The following PRH1 variants were observed in gnomAD, a reference collection of about 807,000 sequenced individuals.
PRH1 encodes proline rich protein HaeIII subfamily 1, also known as salivary acidic proline-rich phosphoprotein 1/2.
In PRH1, 7 loss-of-function variants were observed where a neutral mutation model predicts 7.9. The ratio of observed to expected loss-of-function variants is 0.89; its 90% CI spans 0.50 to 1.67. The LOEUF (loss-of-function observed/expected upper bound fraction) is 1.67. Ranked by LOEUF, PRH1 falls within the 40% of genes most tolerant of loss-of-function variation. The pLI is 0.00. For missense variants in PRH1, 109 were observed against 223.6 expected, an observed-to-expected ratio of 0.49 and a Z score of 3.27; for synonymous variants, 45 against 80.8, an observed-to-expected ratio of 0.56 and a Z score of 2.38.
At chr12:10,884,131 T>A (rs1304635943) in intron 1 of PRH1, 23 bp downstream of exon 1, 28 of 1,613,924 alleles carry the variant, frequency 1.7e-5, no homozygotes, top group Non-Finnish European at 2.4e-5. Context: ...AGAGTCACAA[T>A]ATCTTCCCCC....
intron 1 of PRH1, among the ~76,000 whole-genome samples, chr12:11,071,780 T>G (rs1333666459): frequency 2.0e-5 from 3 of 152,130 alleles, no homozygotes; most frequent in Non-Finnish European, 4.4e-5. Flanking sequence ...CGGTGTATGT[T>G]ATTCCTCTGT....
At chr12:10,926,095 A>G (rs1950118893) in intron 2 of PRH1, among the ~76,000 whole-genome samples, 1 of 152,260 alleles carries the variant, frequency 6.6e-6, no homozygotes, top group African/African-American at 2.4e-5. Context: ...CATCAACATC[A>G]AATTAAAAAA....
chr12:10,988,265 C>A (rs1939750150), intron 1 of PRH1, among the ~76,000 whole-genome samples: 1 of 152,066 alleles, frequency 6.6e-6, no homozygotes, highest in Non-Finnish European at 1.5e-5. Flanking sequence ...CTAACTGGTA[C>A]AGCTACTATG....
At chr12:11,074,242 T>TAG (rs1944203809) in intron 1 of PRH1, among the ~76,000 whole-genome samples, 2 of 59,004 alleles carry the variant, frequency 3.4e-5, no homozygotes, top group Middle Eastern at 0.017. Flanking sequence ...GATACAAAAA[T>TAG]AGAGAACTTA....
chr12:10,983,685 C>T (rs966939255), intron 1 of PRH1, among the ~76,000 whole-genome samples: 10 of 152,196 alleles, frequency 6.6e-5, no homozygotes, highest in African/African-American at 1.7e-4. Flanking sequence ...GGACTAATGC[C>T]GGCTGTGGTT....
chr12:11,165,508 A>G (rs1294415867), intron 1 of PRH1, among the ~76,000 whole-genome samples: 1 of 152,102 alleles, frequency 6.6e-6, no homozygotes, highest in Non-Finnish European at 1.5e-5. Context: ...AAATTTCCTG[A>G]GCATGTTATT....
chr12:11,025,709 T>TG (rs1941877255), intron 1 of PRH1, among the ~76,000 whole-genome samples: 2 of 150,920 alleles, frequency 1.3e-5, no homozygotes, highest in Admixed American at 6.6e-5. Flanking sequence ...CCTCTAGCTC[T>TG]GTGTATTTCC....
chr12:10,969,243 C>T, intron 2 of PRH1, among the ~76,000 whole-genome samples: 1 of 152,176 alleles, frequency 6.6e-6, no homozygotes, highest in Non-Finnish European at 1.5e-5. Flanking sequence ...TCTCCAACGT[C>T]CCACCATAGT....
intron 2 of PRH1, chr12:10,929,092 G>C: frequency 1.5e-6 from 1 of 676,342 alleles, no homozygotes; most frequent in South Asian, 1.9e-5. Context: ...CTAGGCTAGA[G>C]TCCCAGAAGA....
intron 2 of PRH1, among the ~76,000 whole-genome samples, chr12:10,968,823 G>A (rs551987980): frequency 6.6e-6 from 1 of 152,336 alleles, no homozygotes; most frequent in Non-Finnish European, 1.5e-5. Context: ...CATCTGGGGG[G>A]GTGCCCGCAC....
intron 1 of PRH1, among the ~76,000 whole-genome samples, chr12:10,974,216 G>T (rs2135957310): frequency 6.6e-6 from 1 of 152,188 alleles, no homozygotes; most frequent in East Asian, 1.9e-4. Flanking sequence ...GATGAATTTA[G>T]GCTACTGCCA....
At position 11,036,977 on chromosome 12, in the gene PRH1, T is replaced by C. The variant is rs533226261; in HGVS notation, c.-126+10043A>G. ...TCATGGCCTCATGATTCTTCTATGA[T>C]TCTCAGCATTAGGCCTAGACAAGTA... On this transcript the variant is annotated intron_variant, in intron 1 of 3. Coordinates refer to the PRH1 transcript ENST00000539853. Among the ~76,000 whole-genome samples the C allele has an allele frequency of 5.6e-4, 85 of 152,370 alleles. 2 individuals carry two copies. In the South Asian group the frequency reaches 0.017, roughly 31 times the overall value.
At chr12:11,007,230 C>T (rs920484957) in intron 1 of PRH1, among the ~76,000 whole-genome samples, 1 of 152,064 alleles carries the variant, frequency 6.6e-6, no homozygotes, top group African/African-American at 2.4e-5. Context: ...AAGGCCAATA[C>T]GCCTTAAAAT....
intron 1 of PRH1, among the ~76,000 whole-genome samples, chr12:11,152,319 A>G (rs1057302195): frequency 8.6e-6 from 1 of 115,766 alleles, no homozygotes; most frequent in Admixed American, 8.9e-5. Flanking sequence ...TGGAAAAGAT[A>G]ATTTGTGAGA....
intron 1 of PRH1, among the ~76,000 whole-genome samples, chr12:11,143,688 C>G (rs1277620957): frequency 2.0e-5 from 3 of 152,056 alleles, no homozygotes; most frequent in South Asian, 2.1e-4. Context: ...AATAGCTATA[C>G]TAATATTAGA....
At chr12:11,170,136 G>C (rs1947774071) in intron 1 of PRH1, among the ~76,000 whole-genome samples, 2 of 152,298 alleles carry the variant, frequency 1.3e-5, no homozygotes, top group Non-Finnish European at 2.9e-5. Context: ...AAAAAATACA[G>C]TGCTTTCTAG....
intron 2 of PRH1, among the ~76,000 whole-genome samples, chr12:10,934,982 G>A (rs1273780455): frequency 6.6e-6 from 1 of 152,108 alleles, no homozygotes; most frequent in African/African-American, 2.4e-5. Context: ...AGTATATTGA[G>A]CACTAAAATC....
intron 2 of PRH1, among the ~76,000 whole-genome samples, chr12:10,922,471 T>TA (rs1181464679): frequency 6.6e-6 from 1 of 152,230 alleles, no homozygotes; most frequent in African/African-American, 2.4e-5. Context: ...TTTAACATTT[T>TA]ACTACTTTAC....
At chr12:10,931,221 G>A in intron 2 of PRH1, 1 of 1,492,874 alleles carries the variant, frequency 6.7e-7, no homozygotes, top group East Asian at 2.3e-5. Context: ...CAAATATTCT[G>A]GGATAAGGTA....
Sources: gnomAD v4.1 joint callset for allele counts (sites outside exome capture counted in the v4.1 genomes callset) on GRCh38, gnomAD v4.1.1 for gene constraint, MANE v1.5 for transcripts, NCBI Gene and HGNC (gene_info 2026-07-23, HGNC 2026-07-21) for gene names.